Variants in NLRP3 observed in about 807,000 individuals in gnomAD.
NLRP3 encodes the protein NACHT, LRR and PYD domains-containing protein 3.
NLRP3 carries 48 observed loss-of-function variants against 91.3 expected under a neutral mutation model. The observed-to-expected ratio is 0.53, with a 90% CI of 0.42 to 0.67. NLRP3 has a LOEUF of 0.67. Among genes scored for constraint, NLRP3 ranks in the 30% least tolerant of loss-of-function variants. NLRP3 has a pLI of 0.00. For missense variants in NLRP3, 982 were observed against 1,276.9 expected (o/e 0.77, Z 3.52); for synonymous variants, 561 against 507.9 (o/e 1.10, Z -1.41).
chr1:247,424,814 C>T lies in NLRP3; in HGVS notation c.1365C>T (p.Ser455=), dbSNP rs777985232. 2.5e-6 allele frequency: 4 copies of T among 1,608,332 alleles called. No homozygotes were observed. Among genetic ancestry groups the T allele is most frequent in the Non-Finnish European group, 2.5e-6 (3 of 1,180,004 alleles). The stretch of plus-strand genomic sequence containing the variant: ...GTTTGCTGCAGCCCCGGGGAGGGAG[C>T]CAGGAGCACGGCCTCTGCGCCCACC... ...LSSLLQPRGG[S]QEHGLCAHLW... The change falls in exon 4 of 10, where the codon AGC becomes AGT. Residue 455 remains serine, a synonymous_variant. Coordinates refer to ENST00000336119, the MANE Select transcript of NLRP3 (RefSeq NM_001243133.2). The surrounding 1 kb of genome is among the most constrained non-coding windows in gnomAD (Gnocchi z 8.1).
In NLRP3 at chr1:247,424,470, G is replaced by A. The variant is rs369910640; in HGVS notation, c.1021G>A (p.Glu341Lys). 9.9e-6 allele frequency: 16 copies of A among 1,614,036 alleles called. No homozygotes were observed. The African/African-American group carries it at 1.5e-4, about 15-fold the overall frequency. The change falls in exon 4 of 10, where the codon GAG becomes AAG. Residue 341 changes from glutamate to lysine, a missense_variant. Coordinates refer to ENST00000336119, the MANE Select transcript of NLRP3 (RefSeq NM_001243133.2). This position sits in a 1 kb window ranked among gnomAD's most constrained non-coding sequence, Gnocchi z 8.1. ...SSLIRKKLLP[E>K]ASLLITTRPV... ...CCTCATCAGAAAGAAGCTGCTTCCC[G>A]AGGCCTCTCTGCTCATCACCACGAG...
chr1:247,438,378 G>GTGTTTT (rs778311030), intron 7 of NLRP3, among the ~76,000 whole-genome samples: 23 of 71,918 alleles, frequency 3.2e-4, no homozygotes, highest in Non-Finnish European at 4.4e-4. Context: ...GTTTAGTTGT[G>GTGTTTT]TTTTTTTTTT....
chr1:247,433,861 TG>T (rs1663547879), intron 5 of NLRP3, among the ~76,000 whole-genome samples: 1 of 135,038 alleles, frequency 7.4e-6, no homozygotes, highest in African/African-American at 2.7e-5. Flanking sequence ...AGGTGTGTCC[TG>T]ATGCTTTCTC....
At chr1:247,427,866 C>T (rs1437918929) in intron 4 of NLRP3, among the ~76,000 whole-genome samples, 20 of 32,258 alleles carry the variant, frequency 6.2e-4, no homozygotes, top group South Asian at 1.3e-3. Flanking sequence ...AGCACCCATC[C>T]CTCTAGATGG....
At chr1:247,444,602 AG>A in intron 8 of NLRP3, 48 bp from the exon 9 acceptor site, 1 of 1,600,384 alleles carries the variant, frequency 6.2e-7, no homozygotes. Context: ...TTGGGGAGCT[AG>A]GGGGATGGTT....
chr1:247,429,684 T>G lies in NLRP3; in HGVS notation c.2250T>G (p.Ser750=). The change falls in exon 5 of 10, where the codon TCT becomes TCG. Residue 750 remains serine (S), a synonymous_variant. Transcript: ENST00000336119. ...CTGAATTGGACCTCAGTGACAATTC[T>G]CTGGGGGACCCAGGGATGAGAGTGT... ...SLTELDLSDN[S]LGDPGMRVLC... is the part of the protein sequence containing the mutation. 3 of 1,614,168 alleles carry G rather than the reference T, an allele frequency of 1.9e-6. No individual in the cohort carries two copies. The highest frequency in any genetic ancestry group is 2.5e-6 in the Non-Finnish European group (3 of 1,180,014).
intron 7 of NLRP3, among the ~76,000 whole-genome samples, chr1:247,441,466 TG>T (rs1210868064): frequency 6.6e-6 from 1 of 152,162 alleles, no homozygotes; most frequent in African/African-American, 2.4e-5. Flanking sequence ...TTGCCCAGGC[TG>T]GTCTCAAACT....
At position 247,429,651 on chromosome 1, in the gene NLRP3, G is replaced by C; in HGVS notation, c.2217G>C (p.Gln739His). The change falls in exon 5 of 10, where the codon CAG (glutamine) becomes CAC (histidine). Residue 739 changes from glutamine (Q) to histidine (H), a missense_variant. Gln to His is a conservative substitution (Grantham distance 24, BLOSUM62 0). Transcript: ENST00000336119. ...TCTTTTCAGTTCTGAGCACCAGCCA[G>C]AGTCTAACTGAATTGGACCTCAGTG... ...RGLFSVLSTS[Q>H]SLTELDLSDN... is the part of the protein sequence containing the mutation. 3 of 1,614,212 alleles carry C rather than the reference G, an allele frequency of 1.9e-6. No individual in the cohort carries two copies. The highest frequency in any genetic ancestry group is 2.5e-6 in the Non-Finnish European group (3 of 1,180,036).
intron 5 of NLRP3, among the ~76,000 whole-genome samples, chr1:247,432,234 C>T (rs1231729623): frequency 6.6e-6 from 1 of 152,170 alleles, no homozygotes; most frequent in African/African-American, 2.4e-5. Context: ...AAATAATTTT[C>T]CAGCCCTCAC....
chr1:247,420,836 G>A (rs930850869), intron 2 of NLRP3, among the ~76,000 whole-genome samples: 10 of 152,140 alleles, frequency 6.6e-5, no homozygotes, highest in African/African-American at 2.2e-4. Context: ...AAAAGCTGAT[G>A]CAGACTGTAC....
chr1:247,441,157 C>T (rs879919373), intron 7 of NLRP3, among the ~76,000 whole-genome samples: 20 of 139,036 alleles, frequency 1.4e-4, no homozygotes, highest in Non-Finnish European at 2.0e-4. Context: ...CTCTCTCTCT[C>T]TCTTTCTTTC....
At chr1:247,436,647 G>C (rs1380419532) in intron 7 of NLRP3, among the ~76,000 whole-genome samples, 2 of 152,194 alleles carry the variant, frequency 1.3e-5, no homozygotes, top group Non-Finnish European at 2.9e-5. Flanking sequence ...TGGTTTGTTA[G>C]TGTCTGTCTT....
rs182771627 is a variant in NLRP3, at chr1:247,428,879, C to T, written c.2151-706C>T. On this transcript the variant is annotated intron_variant, in intron 4 of 9. Transcript: ENST00000336119. ...TTTATTTCCATGGATGTGGCCTGGG[C>T]TTGCGATTTTCTTTTTCTTTTTTTT... Among the ~76,000 whole-genome samples, 1,428 of 147,344 alleles carry T rather than the reference C, an allele frequency of 9.7e-3. 18 individuals are homozygous for T. The highest frequency in any genetic ancestry group is 0.012 in the Non-Finnish European group (825 of 66,906).
Position 247,424,182 on chromosome 1 carries a change from A to G in NLRP3, c.733A>G (p.Thr245Ala). ...GATGATGTTGGACTGGGCGTCGGGGACACTCTACCAAGACAGGTTTGACTA... is the reference window on the plus strand; with the variant it reads ...GATGATGTTGGACTGGGCGTCGGGGGCACTCTACCAAGACAGGTTTGACTA... ...RKMMLDWASG[T>A]LYQDRFDYLF... Residue 245 changes from threonine (T) to alanine (A), a missense_variant, in exon 4 of 10, where the codon ACA becomes GCA. Physicochemically the swap from Thr to Ala is moderately conservative, Grantham distance 58. Around this residue, in one of 5 missense-constraint regions of NLRP3, gnomAD observed 548 missense variants for 713.7 expected, o/e 0.77. Transcript: ENST00000336119. The surrounding 1 kb of genome is among the most constrained non-coding windows in gnomAD (Gnocchi z 8.1). The G allele has an allele frequency of 6.2e-7, 1 of 1,614,052 alleles. No homozygotes were observed. Among genetic ancestry groups the G allele is most frequent in the South Asian group, 1.1e-5 (1 of 91,066 alleles).
Position 247,424,898 on chromosome 1 carries a change from G to C in NLRP3, c.1449G>C (p.Glu483Asp). The C allele has an allele frequency of 6.2e-7, 1 of 1,611,076 alleles. No homozygotes were observed. Among genetic ancestry groups the C allele is most frequent in the Non-Finnish European group, 8.5e-7 (1 of 1,180,024 alleles). The change falls in exon 4 of 10, where the codon GAG (glutamate) becomes GAC (aspartate). Residue 483 changes from glutamate to aspartate, a missense_variant. Coordinates refer to ENST00000336119, the MANE Select transcript of NLRP3 (RefSeq NM_001243133.2). This position sits in a 1 kb window ranked among gnomAD's most constrained non-coding sequence, Gnocchi z 8.1. ...DGIWNQKILFEESDLRNHGLQ... is the reference protein window; with the variant it reads ...DGIWNQKILFDESDLRNHGLQ... ...TCTGGAACCAGAAAATCCTGTTTGA[G>C]GAGTCCGACCTCAGGAATCATGGAC...
chr1:247,441,671 G>GATGTT (rs59129056), intron 7 of NLRP3, among the ~76,000 whole-genome samples: 100,799 of 151,470 alleles, frequency 0.67, 33,663 homozygotes, highest in Admixed American at 0.73. Context: ...TTGAAATCGA[G>GATGTT]ATGTCAATCA....
Position 247,424,740 on chromosome 1 carries a change from GC to G in NLRP3, c.1294del (p.Gln432ArgfsTer70). 1 of 1,613,814 alleles carries G rather than the reference GC, an allele frequency of 6.2e-7. No homozygotes were observed. On this transcript the variant is annotated frameshift_variant, in exon 4 of 10. Transcript: ENST00000336119. LOFTEE classifies it high-confidence loss of function. This position sits in a 1 kb window ranked among gnomAD's most constrained non-coding sequence, Gnocchi z 8.1. ...GCAGATGGAGAGTGGCAAGAGCCTT[GC>G]CCAGACATCCAAGACCACCACCGCG... is the stretch of plus-strand genomic sequence containing the variant. ...KQQMESGKSL[A>X]QTSKTTTAVY...
At chr1:247,445,351 C>T (rs1173902303) in intron 9 of NLRP3, among the ~76,000 whole-genome samples, 2 of 152,106 alleles carry the variant, frequency 1.3e-5, no homozygotes, top group Non-Finnish European at 2.9e-5. Context: ...CAGGCGCCTG[C>T]CACCACACCC....
At position 247,425,312 on chromosome 1, in the gene NLRP3, C is replaced by T; in HGVS notation, c.1863C>T (p.Ile621=). The T allele has an allele frequency of 6.2e-7, 1 of 1,614,172 alleles. No homozygotes were observed. The highest frequency in any genetic ancestry group is 8.5e-7 in the Non-Finnish European group (1 of 1,180,026). Residue 621 remains isoleucine (I), a synonymous_variant, in exon 4 of 10, where the codon ATC becomes ATT. Coordinates refer to ENST00000336119, the MANE Select transcript of NLRP3 (RefSeq NM_001243133.2). The surrounding 1 kb of genome is among the most constrained non-coding windows in gnomAD (Gnocchi z 4.1). ...EVKAKAKKLQ[I]QPSQLELFYC... ...AAGCCAAAGCTAAAAAGCTGCAGAT[C>T]CAGCCCAGCCAGCTGGAATTGTTCT...
Sources: allele counts gnomAD v4.1 joint callset (sites outside exome capture counted in the v4.1 genomes callset), GRCh38; gene constraint gnomAD v4.1.1; regional missense constraint gnomAD v4.1.1; non-coding constraint Gnocchi (gnomAD v3.1); transcripts MANE v1.5; gene names NCBI Gene and HGNC (gene_info 2026-07-23, HGNC 2026-07-21).